The following PTPRM variants were observed in gnomAD, a reference collection of about 807,000 sequenced individuals.
PTPRM encodes the protein receptor-type tyrosine-protein phosphatase mu.
Under a neutral mutation model 186.7 loss-of-function variants are expected in PTPRM, and 47 were observed. That is an observed-to-expected ratio of 0.25 (90% CI 0.20 to 0.32). The LOEUF is 0.32. Ranked by LOEUF, PTPRM falls within the 10% of genes least tolerant of loss-of-function variation. The pLI is 1.00. For synonymous variants in PTPRM, 668 were observed against 674.9 expected, an observed-to-expected ratio of 0.99 and a Z score of 0.16; for missense variants, 1,494 against 1,865.0, an observed-to-expected ratio of 0.80 and a Z score of 3.66.
At chr18:7,685,732 GTTTGTT>G (rs1431022095) in intron 1 of PTPRM, among the ~76,000 whole-genome samples, 1 of 151,434 alleles carries the variant, frequency 6.6e-6, no homozygotes, top group Non-Finnish European at 1.5e-5. Flanking sequence ...TTTTTTGTTT[GTTTGTT>G]TTTAAGTTTA....
At chr18:7,764,612 CG>C (rs1190308285) in intron 1 of PTPRM, among the ~76,000 whole-genome samples, 2 of 152,152 alleles carry the variant, frequency 1.3e-5, no homozygotes, top group Admixed American at 1.3e-4. Flanking sequence ...CTCTGGCTGC[CG>C]GGCCCAACCC....
rs192892792 is a variant in PTPRM at position 8,201,623 on chromosome 18, C to T, written c.2301-42435C>T. On this transcript the variant is annotated intron_variant, in intron 14 of 32. Transcript: ENST00000580170. ...TCTAAGATCACGGTGCTGACCAATT[C>T]GTTTCCTGCTGAGGGCTCTCTCCCT... Among the ~76,000 whole-genome samples, 41 of 152,282 alleles carry T rather than the reference C, an allele frequency of 2.7e-4. 1 individual carries two copies. In the East Asian group the frequency reaches 6.2e-3, roughly 23 times the overall value.
intron 13 of PTPRM, among the ~76,000 whole-genome samples, chr18:8,118,560 G>A (rs961207284): frequency 2.0e-5 from 3 of 152,134 alleles, no homozygotes; most frequent in Non-Finnish European, 4.4e-5. Flanking sequence ...AGCACTTTGG[G>A]AGGCTGAAAC....
chr18:7,762,846 G>T (rs1357571132), intron 1 of PTPRM, among the ~76,000 whole-genome samples: 1 of 152,202 alleles, frequency 6.6e-6, no homozygotes, highest in Non-Finnish European at 1.5e-5. Flanking sequence ...CTGTGACTTT[G>T]TTATCCTGTT....
chr18:7,773,817 C>T (rs1253131535), intron 1 of PTPRM, among the ~76,000 whole-genome samples: 4 of 152,078 alleles, frequency 2.6e-5, no homozygotes, highest in South Asian at 2.1e-4. Context: ...TGACCTCAGG[C>T]GATCTGGCCG....
intron 29 of PTPRM, among the ~76,000 whole-genome samples, chr18:8,382,983 C>G (rs1362357176): frequency 6.6e-6 from 1 of 152,116 alleles, no homozygotes; most frequent in Non-Finnish European, 1.5e-5. Context: ...GGCCACCTGT[C>G]CCTCAGCTAA....
chr18:8,379,372 G>A (rs371350392), intron 28 of PTPRM, 32 bp downstream of exon 28: 18 of 1,564,304 alleles, frequency 1.2e-5, no homozygotes, highest in African/African-American at 1.4e-5. Context: ...CGGGTCCGAG[G>A]CTGGGGTGTT....
chr18:8,086,420 A>C (rs1217072024), intron 10 of PTPRM, among the ~76,000 whole-genome samples: 2 of 152,176 alleles, frequency 1.3e-5, no homozygotes, highest in Admixed American at 6.5e-5. Context: ...AAATATTTCT[A>C]GGCATGTTCA....
intron 1 of PTPRM, among the ~76,000 whole-genome samples, chr18:7,598,207 C>T (rs2037313590): frequency 6.6e-6 from 1 of 152,068 alleles, no homozygotes; most frequent in Non-Finnish European, 1.5e-5. Flanking sequence ...TCAGAATTAC[C>T]CAGGAAATCT....
intron 14 of PTPRM, among the ~76,000 whole-genome samples, chr18:8,232,694 G>A (rs1347139106): frequency 6.6e-6 from 1 of 152,062 alleles, no homozygotes; most frequent in African/African-American, 2.4e-5. Context: ...TGGCAAGGCT[G>A]GTCTCAAACT....
intron 1 of PTPRM, among the ~76,000 whole-genome samples, chr18:7,737,021 C>T (rs1283277884): frequency 6.6e-6 from 1 of 152,234 alleles, no homozygotes; most frequent in Non-Finnish European, 1.5e-5. Flanking sequence ...CCAGGCTGGT[C>T]TCGAACTCCT....
chr18:7,825,059 T>C (rs1342599899), intron 2 of PTPRM, among the ~76,000 whole-genome samples: 1 of 152,206 alleles, frequency 6.6e-6, no homozygotes, highest in Non-Finnish European at 1.5e-5. Flanking sequence ...CTGCGTTTCA[T>C]GTGCAGGGCC....
intron 30 of PTPRM, 39 bp downstream of exon 30, chr18:8,384,725 A>G (rs370158254): frequency 1.4e-5 from 23 of 1,609,830 alleles, no homozygotes; most frequent in Non-Finnish European, 1.8e-5. Context: ...TTATGGTTTC[A>G]TTTATTTTCT....
intron 11 of PTPRM, among the ~76,000 whole-genome samples, chr18:8,111,475 T>G (rs1452804561): frequency 2.0e-5 from 3 of 151,938 alleles, no homozygotes; most frequent in African/African-American, 7.3e-5. Flanking sequence ...TAGCCGGGTG[T>G]GGTGGCGGGC....
chr18:8,376,297 G>A, intron 25 of PTPRM, 97 bp downstream of exon 25: 1 of 1,540,414 alleles, frequency 6.5e-7, no homozygotes, highest in Non-Finnish European at 8.8e-7. Context: ...ACTTCAGAGG[G>A]GTGATGATTG....
At chr18:8,255,147 A>T (rs2094563033) in intron 19 of PTPRM, among the ~76,000 whole-genome samples, 1 of 152,274 alleles carries the variant, frequency 6.6e-6, no homozygotes. Context: ...CCAAAAGCTT[A>T]ATATCGTATG....
chr18:8,361,740 A>T (rs1211499957), intron 23 of PTPRM, among the ~76,000 whole-genome samples: 1 of 152,314 alleles, frequency 6.6e-6, no homozygotes, highest in Non-Finnish European at 1.5e-5. Flanking sequence ...TGGTTCAGTG[A>T]CTTGCACAAG....
At chr18:7,883,615 G>A (rs1038231046) in intron 2 of PTPRM, among the ~76,000 whole-genome samples, 5 of 152,108 alleles carry the variant, frequency 3.3e-5, no homozygotes, top group East Asian at 1.9e-4. Context: ...GGATAGAAAC[G>A]TCACCTTTTG....
At chr18:8,113,958 TG>T (rs1233905864) in intron 12 of PTPRM, among the ~76,000 whole-genome samples, 199 bp downstream of exon 12, 1 of 151,660 alleles carries the variant, frequency 6.6e-6, no homozygotes. Flanking sequence ...TTTTTTTTTT[TG>T]ATTGGGGGAG....
Sources: allele counts gnomAD v4.1 joint callset (sites outside exome capture counted in the v4.1 genomes callset), GRCh38; gene constraint gnomAD v4.1.1; transcripts MANE v1.5; gene names NCBI Gene and HGNC (gene_info 2026-07-23, HGNC 2026-07-21).